XPO4: variants seen among roughly 807,000 people sequenced by gnomAD.
The protein encoded by XPO4 is exportin 4.
In XPO4, 39 loss-of-function variants were observed where a neutral mutation model predicts 143.0. That is an observed-to-expected ratio of 0.27 (90% CI 0.21 to 0.36). XPO4 has a LOEUF of 0.36. XPO4 is among the 10% of genes least tolerant of loss of function. XPO4 has a pLI of 1.00. For missense variants in XPO4, 907 were observed against 1,348.0 expected (o/e 0.67, Z 5.12); for synonymous variants, 439 against 474.0 (o/e 0.93, Z 0.96).
At chr13:20,854,088 A>G (rs949860243) in intron 4 of XPO4, among the ~76,000 whole-genome samples, 2 of 152,240 alleles carry the variant, frequency 1.3e-5, no homozygotes, top group African/African-American at 4.8e-5. Flanking sequence ...TAATGCATGT[A>G]AATTACTTCT....
chr13:20,824,519 C>T (rs1435164962), intron 7 of XPO4, among the ~76,000 whole-genome samples: 8 of 152,150 alleles, frequency 5.3e-5, no homozygotes, highest in Admixed American at 2.0e-4. Context: ...TCTTTCGAGA[C>T]GGTGTGTGCT....
intron 9 of XPO4, among the ~76,000 whole-genome samples, chr13:20,813,021 G>A (rs1205711301): frequency 3.3e-5 from 5 of 152,184 alleles, no homozygotes; most frequent in African/African-American, 1.2e-4. Context: ...GGCTTAACAG[G>A]AAGGATGACT....
At chr13:20,882,661 G>T (rs1318675268) in intron 1 of XPO4, among the ~76,000 whole-genome samples, 1 of 152,138 alleles carries the variant, frequency 6.6e-6, no homozygotes, top group African/African-American at 2.4e-5. Flanking sequence ...GCCGAGGTGG[G>T]TGGGTCACCT....
intron 17 of XPO4, among the ~76,000 whole-genome samples, 194 bp downstream of exon 17, chr13:20,796,566 TAAAA>T (rs574069077): frequency 0.021 from 3,155 of 150,652 alleles, 84 homozygotes; most frequent in Middle Eastern, 0.075. Context: ...TAGAAGAAAT[TAAAA>T]AAAAAATTTA....
At chr13:20,789,558 C>G (rs1566556227) in intron 19 of XPO4, among the ~76,000 whole-genome samples, 1 of 148,038 alleles carries the variant, frequency 6.8e-6, no homozygotes, top group Non-Finnish European at 1.5e-5. Flanking sequence ...CCACACCCGG[C>G]TTTTTTTTTG....
chr13:20,838,038 C>T (rs1566597546), intron 6 of XPO4, among the ~76,000 whole-genome samples: 1 of 152,018 alleles, frequency 6.6e-6, no homozygotes, highest in African/African-American at 2.4e-5. Context: ...CTTGGCCTCC[C>T]AAAGTACTGG....
rs1396194225 is a variant in XPO4 at position 20,800,924 on chromosome 13, A to G, written c.1884T>C (p.His628=). 1.2e-6 allele frequency: 2 copies of G among 1,614,054 alleles called. No homozygotes were observed. The highest frequency in any genetic ancestry group is 2.2e-5 in the South Asian group (2 of 91,076). Residue 628 remains histidine (H), a synonymous_variant, in exon 14 of 23, where the codon CAT becomes CAC. Transcript: ENST00000255305. ...CTTTGCCCATCTGGGGACTTAGTAG[A>G]TGAGTGAGATCTGCTCTTATTGCTC... is the stretch of plus-strand genomic sequence containing the variant. The part of the protein sequence containing the change: ...ESRAIRADLT[H]LLSPQMGKDI...
intron 2 of XPO4, among the ~76,000 whole-genome samples, chr13:20,863,496 C>G (rs2060219451): frequency 6.6e-6 from 1 of 152,046 alleles, no homozygotes; most frequent in African/African-American, 2.4e-5. Flanking sequence ...TTAGAAAGAC[C>G]CAGCCTTAGC....
At chr13:20,834,806 T>A (rs2059897245) in intron 6 of XPO4, among the ~76,000 whole-genome samples, 1 of 151,854 alleles carries the variant, frequency 6.6e-6, no homozygotes, top group Non-Finnish European at 1.5e-5. Flanking sequence ...CAAAAAAATT[T>A]AAAAATTAGC....
chr13:20,843,989 G>GGGAGAAGT, intron 4 of XPO4, 103 bp from the exon 5 acceptor site: 1 of 814,974 alleles, frequency 1.2e-6, no homozygotes, highest in South Asian at 1.5e-5. Context: ...CCTAACTTTA[G>GGGAGAAGT]ATCTTCCACT....
intron 9 of XPO4, among the ~76,000 whole-genome samples, chr13:20,818,192 T>C (rs898375163): frequency 3.3e-5 from 5 of 152,190 alleles, no homozygotes; most frequent in African/African-American, 7.2e-5. Context: ...AAAAAATTCT[T>C]ATCTCCAAAA....
chr13:20,846,079 T>C (rs1716775746), intron 4 of XPO4, among the ~76,000 whole-genome samples: 2 of 152,210 alleles, frequency 1.3e-5, no homozygotes, highest in African/African-American at 4.8e-5. Flanking sequence ...TGAAAGAACC[T>C]AGAAGCACTC....
In XPO4 at chr13:20,879,093, T is replaced by A. The variant is rs1289988440; in HGVS notation, c.70-10392A>T. The A allele has an allele frequency of 4.1e-6, 4 of 984,646 alleles. No homozygotes were observed. In the East Asian group the frequency reaches 4.5e-4, roughly 112 times the overall value. 61.0% of individuals were successfully genotyped at this position (984,646 alleles called of 1,614,324 possible). ...ATCCAAAGATGAATGCAAGCACTCA[T>A]GTGTTTACCCTGGAGACATGTGCCA... On this transcript the variant is annotated intron_variant, in intron 1 of 22. Transcript: ENST00000255305.
intron 13 of XPO4, among the ~76,000 whole-genome samples, chr13:20,802,618 C>T (rs1309011743): frequency 1.3e-5 from 2 of 152,110 alleles, no homozygotes; most frequent in Non-Finnish European, 2.9e-5. Context: ...GTTTTATTAT[C>T]ACAATATTCT....
chr13:20,801,084 G>C (rs2059426551), intron 13 of XPO4, 94 bp from the exon 14 acceptor site: 1 of 1,422,912 alleles, frequency 7.0e-7, no homozygotes, highest in Non-Finnish European at 9.5e-7. Flanking sequence ...TTGTCTTTCA[G>C]TTCTCTGGAT....
intron 13 of XPO4, among the ~76,000 whole-genome samples, chr13:20,806,850 C>T (rs148027047): frequency 8.9e-4 from 135 of 151,810 alleles, no homozygotes; most frequent in African/African-American, 2.9e-3. Flanking sequence ...TGCGCCTGGC[C>T]GGAACATTTT....
intron 1 of XPO4, among the ~76,000 whole-genome samples, chr13:20,898,931 T>A (rs557680996): frequency 7.2e-5 from 11 of 152,162 alleles, no homozygotes; most frequent in African/African-American, 2.6e-4. Context: ...ATTCCAGCAC[T>A]TTAGGAGGCC....
At chr13:20,891,644 C>A (rs1230761771) in intron 1 of XPO4, among the ~76,000 whole-genome samples, 1 of 152,014 alleles carries the variant, frequency 6.6e-6, no homozygotes, top group Non-Finnish European at 1.5e-5. Context: ...AGGCGGACTG[C>A]CTGAGCTCAG....
intron 3 of XPO4, chr13:20,859,734 G>T (rs550009881): frequency 1.5e-4 from 62 of 412,852 alleles, no homozygotes; most frequent in African/African-American, 1.3e-3. Flanking sequence ...CAGAGATCAC[G>T]CCACTGCACT....
Sources: allele counts gnomAD v4.1 joint callset (sites outside exome capture counted in the v4.1 genomes callset), GRCh38; gene constraint gnomAD v4.1.1; transcripts MANE v1.5; gene names NCBI Gene and HGNC (gene_info 2026-07-23, HGNC 2026-07-21).